The following FRMD4B variants were observed in gnomAD, a reference collection of about 807,000 sequenced individuals.
FRMD4B encodes FERM domain containing 4B.
Under a neutral mutation model 141.5 loss-of-function variants are expected in FRMD4B, and 74 were observed. The observed-to-expected ratio is 0.52, with a 90% CI of 0.43 to 0.63. The LOEUF is 0.63. Among genes scored for constraint, FRMD4B ranks in the 30% least tolerant of loss-of-function variants. The pLI, the probability that FRMD4B is intolerant of heterozygous loss-of-function variation, is 0.00. For missense variants in FRMD4B, 1,366 were observed against 1,253.4 expected, an observed-to-expected ratio of 1.09 and a Z score of -1.36; for synonymous variants, 506 against 467.9, an observed-to-expected ratio of 1.08 and a Z score of -1.05.
chr3:69,196,407 T>C lies in FRMD4B; in HGVS notation c.1093-11A>G. 2 of 1,596,134 alleles carry C rather than the reference T, an allele frequency of 1.3e-6. No homozygotes were observed. The highest frequency in any genetic ancestry group is 2.3e-5 in the East Asian group (1 of 44,286). ...TGAAGGAATTTTTGCCTAAGAGGCA[T>C]ACAACAATGAAACAGAATTAACTCA... On this transcript the variant is annotated splice_polypyrimidine_tract_variant and intron_variant, in intron 13 of 22. Coordinates refer to ENST00000398540, the MANE Select transcript of FRMD4B (RefSeq NM_015123.3).
At chr3:69,446,749 T>C (rs897126410) in intron 1 of FRMD4B, among the ~76,000 whole-genome samples, 30 of 152,240 alleles carry the variant, frequency 2.0e-4, no homozygotes, top group African/African-American at 7.0e-4. Context: ...TATCTCACTC[T>C]CTGTGAATAT....
At chr3:69,313,561 G>C (rs1408614678) in intron 1 of FRMD4B, 44 bp from the exon 2 acceptor site, 1 of 1,235,482 alleles carries the variant, frequency 8.1e-7, no homozygotes, top group Admixed American at 2.0e-5. Flanking sequence ...GCCACGGCTG[G>C]CAAGCAAACC....
At chr3:69,219,094 G>T (rs573888606) in intron 9 of FRMD4B, among the ~76,000 whole-genome samples, 6 of 150,978 alleles carry the variant, frequency 4.0e-5, no homozygotes, top group African/African-American at 1.2e-4. Context: ...GAATTCGGGA[G>T]GTGGAGGTTG....
chr3:69,402,835 C>A (rs1216934860), intron 2 of FRMD4B, among the ~76,000 whole-genome samples: 4 of 151,888 alleles, frequency 2.6e-5, no homozygotes, highest in Admixed American at 1.3e-4. Context: ...GACAGTAAAT[C>A]AAAAAGAATC....
chr3:69,426,243 T>G (rs2106821911), intron 2 of FRMD4B, among the ~76,000 whole-genome samples: 1 of 152,268 alleles, frequency 6.6e-6, no homozygotes, highest in African/African-American at 2.4e-5. Flanking sequence ...TTGCTAAGGA[T>G]AAGGTATGAA....
intron 1 of FRMD4B, among the ~76,000 whole-genome samples, chr3:69,442,829 G>A (rs929125678): frequency 6.6e-6 from 1 of 152,176 alleles, no homozygotes; most frequent in African/African-American, 2.4e-5. Context: ...GAGGAAATGG[G>A]TTCTAGACTC....
chr3:69,292,639 G>A (rs1432982539), intron 4 of FRMD4B, among the ~76,000 whole-genome samples: 3 of 152,094 alleles, frequency 2.0e-5, no homozygotes, highest in Admixed American at 2.0e-4. Context: ...CTCCCTCAAG[G>A]GGGCCATTGT....
intron 1 of FRMD4B, among the ~76,000 whole-genome samples, chr3:69,540,660 T>TATATATATATATATACACACACAC (rs1241897477): frequency 1.8e-5 from 1 of 56,874 alleles, no homozygotes; most frequent in African/African-American, 1.0e-4. Flanking sequence ...TATATATATA[T>TATATATATATATATACACACACAC]ACACACACAC....
intron 5 of FRMD4B, among the ~76,000 whole-genome samples, chr3:69,278,263 T>C (rs973253925): frequency 6.6e-6 from 1 of 152,114 alleles, no homozygotes; most frequent in Non-Finnish European, 1.5e-5. Flanking sequence ...CCAAATCAAA[T>C]AAGTTAATTT....
At chr3:69,199,644 T>G (rs898310381) in intron 11 of FRMD4B, among the ~76,000 whole-genome samples, 5 of 152,186 alleles carry the variant, frequency 3.3e-5, no homozygotes, top group Non-Finnish European at 7.3e-5. Flanking sequence ...CACCAGAGCC[T>G]CTTCTTGGTT....
intron 5 of FRMD4B, among the ~76,000 whole-genome samples, chr3:69,286,096 G>C (rs1034796357): frequency 6.6e-6 from 1 of 152,082 alleles, no homozygotes; most frequent in Admixed American, 6.6e-5. Context: ...GATGTCTTCA[G>C]GTACAAGCTG....
intron 1 of FRMD4B, among the ~76,000 whole-genome samples, chr3:69,511,601 C>T (rs1433211819): frequency 6.6e-6 from 1 of 152,150 alleles, no homozygotes; most frequent in Non-Finnish European, 1.5e-5. Flanking sequence ...TCAGGCCACC[C>T]CCAGCCAATG....
At chr3:69,181,812 A>T in intron 20 of FRMD4B, 102 bp from the exon 21 acceptor site, 1 of 693,622 alleles carries the variant, frequency 1.4e-6, no homozygotes, top group Non-Finnish European at 2.4e-6. Context: ...CTCGTGAATT[A>T]CAATAGGACT....
In FRMD4B at chr3:69,314,853, G is replaced by A. The variant is rs569816058; in HGVS notation, c.163-1336C>T. Among the ~76,000 whole-genome samples, 21 of 152,068 alleles carry A rather than the reference G, an allele frequency of 1.4e-4. No individual in the cohort carries two copies. The South Asian group carries it at 1.7e-3, about 12-fold the overall frequency. ...CTTTTCCAAAAAAAAGAAAAAAAAA[G>A]TATTTATTCATTGGTGTGTTTAACG... On this transcript the variant is annotated intron_variant, in intron 1 of 22. Transcript: ENST00000398540.
chr3:69,530,674 A>G (rs1236590610), intron 1 of FRMD4B, among the ~76,000 whole-genome samples: 1 of 152,182 alleles, frequency 6.6e-6, no homozygotes, highest in Non-Finnish European at 1.5e-5. Context: ...TCTGCATTAC[A>G]GAATTGCCAC....
rs1286786304 is a variant in FRMD4B at position 69,181,507 on chromosome 3, C to CCGGTAA, written c.2237_2242dup (p.Val746_Thr747dup). ...CAGGGTCTGGGTGGTGTAATAGGGG[C>CCGGTAA]CGGTAACTGGTGTCACACAGTAATA... On this transcript the variant is annotated inframe_insertion, in exon 21 of 23. Transcript: ENST00000398540. 40 of 1,613,648 alleles carry CCGGTAA rather than the reference C, an allele frequency of 2.5e-5. No homozygotes were observed. The highest frequency in any genetic ancestry group is 3.3e-5 in the Non-Finnish European group (39 of 1,179,770).
intron 1 of FRMD4B, among the ~76,000 whole-genome samples, chr3:69,477,751 G>A (rs11922040): frequency 0.15 from 20,725 of 136,768 alleles, 2,380 homozygotes; most frequent in African/African-American, 0.31. Flanking sequence ...CTCTTTTTCT[G>A]TTGATTGGAA....
At chr3:69,280,044 C>T (rs2093637627) in intron 5 of FRMD4B, among the ~76,000 whole-genome samples, 1 of 152,024 alleles carries the variant, frequency 6.6e-6, no homozygotes, top group African/African-American at 2.4e-5. Flanking sequence ...TTACTAAAAT[C>T]ACAGATATGG....
At chr3:69,254,645 C>CT (rs2093482098) in intron 5 of FRMD4B, among the ~76,000 whole-genome samples, 1 of 152,140 alleles carries the variant, frequency 6.6e-6, no homozygotes, top group South Asian at 2.1e-4. Context: ...ACAACCCCAC[C>CT]TATCCAAGAA....
Sources: gnomAD v4.1 joint callset for allele counts (sites outside exome capture counted in the v4.1 genomes callset) on GRCh38, gnomAD v4.1.1 for gene constraint, MANE v1.5 for transcripts, NCBI Gene and HGNC (gene_info 2026-07-23, HGNC 2026-07-21) for gene names.